PHACTR1: variants seen among roughly 807,000 people sequenced by gnomAD.
PHACTR1 encodes the protein RPEL repeat containing 1.
In PHACTR1, 16 loss-of-function variants were observed where a neutral mutation model predicts 69.2. The ratio of observed to expected loss-of-function variants is 0.23; its 90% confidence interval spans 0.16 to 0.35. The LOEUF is 0.35. PHACTR1 is among the 10% of genes least tolerant of loss of function. The pLI is 1.00. For missense variants in PHACTR1, 510 were observed against 734.7 expected (o/e 0.69, Z 3.54); for synonymous variants, 312 against 284.5 (o/e 1.10, Z -0.97).
chr6:12,967,944 C>T (rs893060062), intron 4 of PHACTR1, among the ~76,000 whole-genome samples: 28 of 152,214 alleles, frequency 1.8e-4, no homozygotes, highest in Non-Finnish European at 2.8e-4. Flanking sequence ...TTGCCAAGAG[C>T]TAACAGACGC....
At chr6:13,022,309 C>T (rs1235162229) in intron 4 of PHACTR1, among the ~76,000 whole-genome samples, 1 of 152,202 alleles carries the variant, frequency 6.6e-6, no homozygotes, top group African/African-American at 2.4e-5. Context: ...AAGTTTCTTC[C>T]ACCTGTAAAA....
At chr6:12,880,626 T>C (rs1010585471) in intron 4 of PHACTR1, among the ~76,000 whole-genome samples, 5 of 152,064 alleles carry the variant, frequency 3.3e-5, no homozygotes, top group African/African-American at 1.2e-4. Context: ...CATAGTCGTA[T>C]AAAGGAAATT....
At chr6:13,087,888 C>A (rs1251470148) in intron 5 of PHACTR1, among the ~76,000 whole-genome samples, 1 of 152,046 alleles carries the variant, frequency 6.6e-6, no homozygotes, top group Non-Finnish European at 1.5e-5. Flanking sequence ...CTCAAGCAGT[C>A]CTCCCACCTT....
At chr6:12,875,086 T>C (rs769624550) in intron 4 of PHACTR1, among the ~76,000 whole-genome samples, 2 of 152,210 alleles carry the variant, frequency 1.3e-5, no homozygotes, top group Non-Finnish European at 2.9e-5. Flanking sequence ...GAACCAAGCT[T>C]ACAGGGCACA....
intron 4 of PHACTR1, among the ~76,000 whole-genome samples, chr6:12,951,574 T>C (rs1302850754): frequency 6.6e-6 from 1 of 152,238 alleles, no homozygotes; most frequent in African/African-American, 2.4e-5. Flanking sequence ...GTGCAATGTG[T>C]TGTAAAGCCA....
At chr6:13,247,589 G>A (rs895585054) in intron 10 of PHACTR1, among the ~76,000 whole-genome samples, 2 of 151,964 alleles carry the variant, frequency 1.3e-5, no homozygotes, top group Non-Finnish European at 2.9e-5. Flanking sequence ...CAGGTGATCC[G>A]CCCGCCTTGG....
chr6:12,954,961 T>C (rs1309504618), intron 4 of PHACTR1, among the ~76,000 whole-genome samples: 3 of 152,202 alleles, frequency 2.0e-5, no homozygotes, highest in African/African-American at 7.2e-5. Flanking sequence ...GAAATGTGGC[T>C]AGTCTTATTT....
intron 4 of PHACTR1, among the ~76,000 whole-genome samples, chr6:12,979,533 C>T (rs577767467): frequency 1.3e-5 from 2 of 152,310 alleles, no homozygotes; most frequent in South Asian, 4.1e-4. Flanking sequence ...CTCTCATCCA[C>T]AGAACGGTGG....
intron 6 of PHACTR1, among the ~76,000 whole-genome samples, chr6:13,169,952 T>C (rs1760351408): frequency 6.6e-6 from 1 of 152,182 alleles, no homozygotes; most frequent in Admixed American, 6.5e-5. Context: ...TTCATATTTA[T>C]TGCGTGAAAG....
rs947285352 is a variant in PHACTR1 at position 12,846,043 on chromosome 6, C to T, written c.250+96253C>T. On this transcript the variant is annotated intron_variant, in intron 4 of 14. Coordinates refer to ENST00000332995, the MANE Select transcript of PHACTR1 (RefSeq NM_030948.6). ...ACTGTGGAGAGGAGGGAACTGATAA[C>T]GATACTGAAGCCATTTCTTTAAAAA... 1.8e-4 allele frequency among the ~76,000 whole-genome samples: 28 copies of T among 151,770 alleles called. 1 individual carries two copies. Among genetic ancestry groups the T allele is most frequent in the African/African-American group, 5.1e-4 (21 of 41,256 alleles).
intron 4 of PHACTR1, among the ~76,000 whole-genome samples, chr6:12,944,015 A>C (rs1262917617): frequency 6.6e-6 from 1 of 152,248 alleles, no homozygotes; most frequent in African/African-American, 2.4e-5. Flanking sequence ...TAACTTTGCC[A>C]AACTGCATGT....
At chr6:12,787,738 C>T (rs933331021) in intron 4 of PHACTR1, among the ~76,000 whole-genome samples, 2 of 152,198 alleles carry the variant, frequency 1.3e-5, no homozygotes, top group African/African-American at 4.8e-5. Context: ...CTCCTAGATT[C>T]TGAACCAGCC....
chr6:12,819,081 T>C (rs1175689953), intron 4 of PHACTR1, among the ~76,000 whole-genome samples: 2 of 152,230 alleles, frequency 1.3e-5, no homozygotes, highest in Admixed American at 6.5e-5. Context: ...TTGAAAACCA[T>C]GAACACTGGG....
chr6:12,923,972 G>C (rs1312057863), intron 4 of PHACTR1, among the ~76,000 whole-genome samples: 2 of 152,184 alleles, frequency 1.3e-5, no homozygotes, highest in African/African-American at 4.8e-5. Flanking sequence ...AAGAGCTTCT[G>C]TTCGTGGTAA....
chr6:12,873,614 C>CA (rs972503105), intron 4 of PHACTR1, among the ~76,000 whole-genome samples: 32 of 152,102 alleles, frequency 2.1e-4, no homozygotes, highest in Non-Finnish European at 4.3e-4. Context: ...AAGGAGCAAT[C>CA]AATTCTGGGG....
rs371930696 is a variant in PHACTR1, at chr6:12,721,897, G to A, written c.103+3050G>A. Reference sequence around the variant, plus strand: ...TCCAAACCAGATGCACACATTGGCCGGATTCAAGCTTGTATCGAACCAACG... The same window carrying A: ...TCCAAACCAGATGCACACATTGGCCAGATTCAAGCTTGTATCGAACCAACG... On this transcript the variant is annotated intron_variant, in intron 3 of 14. Transcript: ENST00000332995. Among the ~76,000 whole-genome samples, 11 of 152,332 alleles carry A rather than the reference G, an allele frequency of 7.2e-5. 1 individual carries two copies. In the South Asian group the frequency reaches 1.7e-3, roughly 23 times the overall value.
rs377113799 is a variant in PHACTR1, at chr6:13,232,955, CAGATGGG to C, written c.1391+2765_1391+2771del. 2.9e-3 allele frequency among the ~76,000 whole-genome samples: 439 copies of C among 152,336 alleles called. 3 individuals are homozygous for C. The highest frequency in any genetic ancestry group is 9.9e-3 in the African/African-American group (411 of 41,582). ...TGAGGGGCAAATGAAGATTTATCTG[CAGATGGG>C]AGTGAGATGCCAGAGCATCTGGCTG... On this transcript the variant is annotated intron_variant, in intron 10 of 14. Transcript: ENST00000332995.
At chr6:12,781,953 A>G (rs921324682) in intron 4 of PHACTR1, among the ~76,000 whole-genome samples, 13 of 152,218 alleles carry the variant, frequency 8.5e-5, no homozygotes, top group Non-Finnish European at 1.6e-4. Context: ...ACGATGGCCT[A>G]TCTGGCCAAG....
intron 4 of PHACTR1, among the ~76,000 whole-genome samples, chr6:12,834,942 G>A (rs1036674114): frequency 6.6e-6 from 1 of 152,172 alleles, no homozygotes; most frequent in South Asian, 2.1e-4. Flanking sequence ...TACCCTCTTC[G>A]TAAAAATGTA....
Sources: gnomAD v4.1 joint callset for allele counts (sites outside exome capture counted in the v4.1 genomes callset) on GRCh38, gnomAD v4.1.1 for gene constraint, MANE v1.5 for transcripts, NCBI Gene and HGNC (gene_info 2026-07-23, HGNC 2026-07-21) for gene names.